Variants in CERS4 observed in about 807,000 individuals in gnomAD.
CERS4 encodes the protein ceramide synthase 4, also known as LAG1 homolog, ceramide synthase 4.
Under a neutral mutation model 51.8 loss-of-function variants are expected in CERS4, and 65 were observed. That is an observed-to-expected ratio of 1.26 (90% CI 1.03 to 1.54). The LOEUF is 1.54. CERS4 is among the 40% of genes most tolerant of loss of function. The pLI, the probability that CERS4 is intolerant of heterozygous loss-of-function variation, is 0.00. For synonymous variants in CERS4, 228 were observed against 208.4 expected (o/e 1.09, Z -0.81); for missense variants, 563 against 500.4 (o/e 1.13, Z -1.19).
rs1167821324 is a variant in CERS4 at position 8,254,509 on chromosome 19, C to T, written c.184C>T (p.Leu62=). ...MRLAFERFIG[L]PLSRWLGVRD... is the part of the protein sequence containing the mutation. ...CTCCTTTGCACCCAGATTCATTGGCCTGCCCCTGAGCCGGTGGCTGGGTGT... is the reference window on the plus strand; with the variant it reads ...CTCCTTTGCACCCAGATTCATTGGCTTGCCCCTGAGCCGGTGGCTGGGTGT... Residue 62 remains leucine (L), a synonymous_variant, in exon 4 of 12, where the codon CTG becomes TTG. Coordinates refer to ENST00000251363, the MANE Select transcript of CERS4 (RefSeq NM_024552.3). 1 of 1,613,766 alleles carries T rather than the reference C, an allele frequency of 6.2e-7. No homozygotes were observed. Among genetic ancestry groups the T allele is most frequent in the South Asian group, 1.1e-5 (1 of 91,072 alleles).
At chr19:8,253,740 G>A (rs1194985413) in intron 3 of CERS4, among the ~76,000 whole-genome samples, 3 of 151,934 alleles carry the variant, frequency 2.0e-5, no homozygotes, top group Admixed American at 6.6e-5. Context: ...ACAGGTGCAC[G>A]CCACCACACC....
chr19:8,256,921 C>T (rs201160389), intron 8 of CERS4, 28 bp from the exon 9 acceptor site: 8 of 1,613,958 alleles, frequency 5.0e-6, no homozygotes, highest in Non-Finnish European at 5.1e-6. Flanking sequence ...CAAGCCTCGT[C>T]CCCACTATGA....
At chr19:8,214,115 C>G (rs1967192762) in intron 2 of CERS4, among the ~76,000 whole-genome samples, 1 of 152,214 alleles carries the variant, frequency 6.6e-6, no homozygotes, top group Admixed American at 6.5e-5. Flanking sequence ...TCCCTCCCTA[C>G]CCCCTCCTGG....
chr19:8,245,036 C>A (rs957556266), intron 2 of CERS4, among the ~76,000 whole-genome samples: 1 of 147,450 alleles, frequency 6.8e-6, no homozygotes, highest in African/African-American at 2.5e-5. Context: ...CCCAGCTACT[C>A]GGGAGGCTGA....
At chr19:8,224,473 G>A (rs1025347889) in intron 2 of CERS4, among the ~76,000 whole-genome samples, 14 of 152,228 alleles carry the variant, frequency 9.2e-5, no homozygotes, top group Non-Finnish European at 1.9e-4. Flanking sequence ...GAACCCAGGA[G>A]GGGAGTGTCC....
At chr19:8,223,456 A>T (rs1397105375) in intron 2 of CERS4, among the ~76,000 whole-genome samples, 1 of 151,580 alleles carries the variant, frequency 6.6e-6, no homozygotes. Flanking sequence ...TGTCTCTACT[A>T]AAAAAATACA....
chr19:8,255,983 G>A, intron 6 of CERS4, 104 bp downstream of exon 6: 1 of 1,296,866 alleles, frequency 7.7e-7, no homozygotes, highest in Non-Finnish European at 1.1e-6. Flanking sequence ...AGGAAAACAT[G>A]CAGCTGAGGA....
At chr19:8,255,289 G>C (rs1192529865) in intron 4 of CERS4, among the ~76,000 whole-genome samples, 2 of 152,186 alleles carry the variant, frequency 1.3e-5, no homozygotes, top group Non-Finnish European at 2.9e-5. Flanking sequence ...CTAGGTTGGA[G>C]GTGAGAACTG....
intron 2 of CERS4, among the ~76,000 whole-genome samples, chr19:8,212,677 C>T (rs540908864): frequency 1.4e-4 from 21 of 151,936 alleles, no homozygotes; most frequent in Non-Finnish European, 2.8e-4. Context: ...TCGTTCTTGT[C>T]GCCCAGGCTG....
rs760702253 is a variant in CERS4 at position 8,256,692 on chromosome 19, C to T, written c.594C>T (p.Pro198=). The T allele has an allele frequency of 6.2e-7, 1 of 1,613,720 alleles. No individual in the cohort carries two copies. Among genetic ancestry groups the T allele is most frequent in the South Asian group, 1.1e-5 (1 of 91,054 alleles). ...ACCTCTCACTGCTAATCAGGCTGCC[C>T]TTTGATGTCAAGCGCAAGGTGAGGC... ...GFYLSLLIRL[P]FDVKRKDFKE... Residue 198 remains proline (P), a synonymous_variant, in exon 8 of 12, where the codon CCC becomes CCT. Coordinates refer to ENST00000251363, the MANE Select transcript of CERS4 (RefSeq NM_024552.3).
chr19:8,249,731 C>T (rs1014459020), intron 2 of CERS4, among the ~76,000 whole-genome samples: 24 of 149,054 alleles, frequency 1.6e-4, no homozygotes, highest in African/African-American at 5.9e-4. Flanking sequence ...GCTGGGATTA[C>T]AGGCGCACAC....
At chr19:8,260,287 C>T (rs1311296438) in intron 10 of CERS4, among the ~76,000 whole-genome samples, 3 of 147,234 alleles carry the variant, frequency 2.0e-5, no homozygotes, top group African/African-American at 5.2e-5. Flanking sequence ...CTCCGCCTCC[C>T]GGGTTCAAGC....
In CERS4 at chr19:8,244,870, C is replaced by T. The variant is rs529299759; in HGVS notation, c.-1-6206C>T. Among the ~76,000 whole-genome samples the T allele has an allele frequency of 5.3e-4, 80 of 150,898 alleles. 1 individual carries two copies. Among genetic ancestry groups the T allele is most frequent in the African/African-American group, 1.7e-3 (70 of 41,256 alleles). Reference sequence around the variant, plus strand: ...TCTTGAACTCTTGGCTTTGGCCAGGCGCGGTGGCTCTCACCTGTAATCCCA... The same window carrying T: ...TCTTGAACTCTTGGCTTTGGCCAGGTGCGGTGGCTCTCACCTGTAATCCCA... On this transcript the variant is annotated intron_variant, in intron 2 of 11. Coordinates refer to ENST00000251363, the MANE Select transcript of CERS4 (RefSeq NM_024552.3).
chr19:8,218,004 G>A (rs373551632), intron 2 of CERS4, among the ~76,000 whole-genome samples: 1 of 151,478 alleles, frequency 6.6e-6, no homozygotes, highest in African/African-American at 2.4e-5. Flanking sequence ...TCACTCTGTC[G>A]CCCAGGTTGG....
At chr19:8,220,817 G>GT (rs71165296) in intron 2 of CERS4, among the ~76,000 whole-genome samples, 36,538 of 144,278 alleles carry the variant, frequency 0.25, 4,529 homozygotes, top group Middle Eastern at 0.32. Context: ...GCTGTTTTGT[G>GT]TTTTTTTTTT....
rs1568501097 is a variant in CERS4, at chr19:8,221,870, A to ATTTTTTTTT, written c.-2+11009_-2+11010insTTTTTTTTT. ...TACTTACTGACTTATTTATTTTTTTATGTTTTTTTTTTTTTTTTTTTTTTT... is the reference window on the plus strand; with the variant it reads ...TACTTACTGACTTATTTATTTTTTTATTTTTTTTTTGTTTTTTTTTTTTTTTTTTTTTTT... On this transcript the variant is annotated intron_variant, in intron 2 of 11. Coordinates refer to ENST00000251363, the MANE Select transcript of CERS4 (RefSeq NM_024552.3). Among the ~76,000 whole-genome samples, 6 of 31,774 alleles carry ATTTTTTTTT rather than the reference A, an allele frequency of 1.9e-4. 1 individual carries two copies. In the South Asian group the frequency reaches 3.8e-3, roughly 20 times the overall value. The allele number at this position is 31,774 out of a possible 152,430, so 20.8% of individuals were successfully genotyped here. A position where few individuals can be genotyped will look rare whatever the true frequency, so the allele number is the denominator to read the frequency against.
At chr19:8,243,690 T>C (rs1968636504) in intron 2 of CERS4, among the ~76,000 whole-genome samples, 1 of 151,712 alleles carries the variant, frequency 6.6e-6, no homozygotes, top group Non-Finnish European at 1.5e-5. Flanking sequence ...GTTGACCCCT[T>C]GCTGATAGAT....
At position 8,261,994 on chromosome 19, in the gene CERS4, A is replaced by G; in HGVS notation, c.1070A>G (p.Gln357Arg). The part of the protein sequence containing the change: ...SDSSEEAAAA[Q>R]EPLQLKNGAA... ...TCCAGTGAGGAGGCGGCGGCGGCCCAGGAACCTCTGCAGCTAAAGAACGGG... is the reference window on the plus strand; with the variant it reads ...TCCAGTGAGGAGGCGGCGGCGGCCCGGGAACCTCTGCAGCTAAAGAACGGG... Residue 357 changes from glutamine to arginine, a missense_variant, in exon 12 of 12, where the codon CAG becomes CGG. Gln to Arg is a conservative substitution (Grantham distance 43). Coordinates refer to ENST00000251363, the MANE Select transcript of CERS4 (RefSeq NM_024552.3). The G allele has an allele frequency of 2.5e-6, 4 of 1,596,468 alleles. No individual in the cohort carries two copies. Among genetic ancestry groups the G allele is most frequent in the South Asian group, 1.1e-5 (1 of 88,720 alleles).
chr19:8,248,914 G>C (rs1219773774), intron 2 of CERS4, among the ~76,000 whole-genome samples: 1 of 140,336 alleles, frequency 7.1e-6, no homozygotes, highest in Non-Finnish European at 1.6e-5. Context: ...TATGGATGAT[G>C]GGTAGATGGA....
Sources: allele counts gnomAD v4.1 joint callset (sites outside exome capture counted in the v4.1 genomes callset), GRCh38; gene constraint gnomAD v4.1.1; transcripts MANE v1.5; gene names NCBI Gene and HGNC (gene_info 2026-07-23, HGNC 2026-07-21).